GNAQ: variants seen among roughly 807,000 people sequenced by gnomAD.
GNAQ encodes the protein guanine nucleotide-binding protein G(q) subunit alpha.
GNAQ carries 8 observed loss-of-function variants against 43.9 expected under a neutral mutation model. The observed-to-expected ratio is 0.18, with a 90% confidence interval of 0.11 to 0.33. The LOEUF (loss-of-function observed/expected upper bound fraction) is 0.33. GNAQ is among the 10% of genes least tolerant of loss of function. The pLI, the probability that GNAQ is intolerant of heterozygous loss-of-function variation, is 1.00. For missense variants in GNAQ, 158 were observed against 450.8 expected, an observed-to-expected ratio of 0.35 and a Z score of 5.88; for synonymous variants, 155 against 170.7, an observed-to-expected ratio of 0.91 and a Z score of 0.71.
intron 6 of GNAQ, among the ~76,000 whole-genome samples, chr9:77,723,628 A>G (rs1825353337): frequency 6.6e-6 from 1 of 152,266 alleles, no homozygotes; most frequent in Non-Finnish European, 1.5e-5. Context: ...TAAAGCTCTG[A>G]CAGATGCTGT....
In GNAQ at chr9:77,855,782, C is replaced by T. The variant is rs529718557; in HGVS notation, c.322-40012G>A. ...AACTCTCAAAAAAAAAAGCCCTCTG[C>T]CATTTGCTATAAAAGTCATGACTGG... On this transcript the variant is annotated intron_variant, in intron 2 of 6. Coordinates refer to ENST00000286548, the MANE Select transcript of GNAQ (RefSeq NM_002072.5). Among the ~76,000 whole-genome samples, 4 of 151,992 alleles carry T rather than the reference C, an allele frequency of 2.6e-5. No homozygotes were observed. In the East Asian group the frequency reaches 7.7e-4, roughly 29 times the overall value.
intron 3 of GNAQ, among the ~76,000 whole-genome samples, chr9:77,806,417 TG>T (rs1387574008): frequency 6.6e-6 from 1 of 152,220 alleles, no homozygotes; most frequent in Non-Finnish European, 1.5e-5. Context: ...GGAGGGAGAT[TG>T]GCACAGAGAA....
chr9:77,736,637 G>GTGT (rs1352015329), intron 5 of GNAQ, among the ~76,000 whole-genome samples: 1 of 152,118 alleles, frequency 6.6e-6, no homozygotes, highest in Non-Finnish European at 1.5e-5. Flanking sequence ...TCACATGTCA[G>GTGT]GCCCTTGTAA....
intron 3 of GNAQ, among the ~76,000 whole-genome samples, chr9:77,806,158 A>G (rs939971037): frequency 5.3e-5 from 8 of 152,230 alleles, no homozygotes; most frequent in Non-Finnish European, 1.2e-4. Context: ...AAGAGAGAAA[A>G]GAAAGAAGGA....
rs746549314 is a variant in GNAQ at position 77,851,853 on chromosome 9, G to A, written c.322-36083C>T. Reference sequence around the variant, plus strand: ...TGCAATGCACAACCTAATACCAACTGAGCTGGCACCACTCCTTTGATGTAT... The same window carrying A: ...TGCAATGCACAACCTAATACCAACTAAGCTGGCACCACTCCTTTGATGTAT... On this transcript the variant is annotated intron_variant, in intron 2 of 6. Transcript: ENST00000286548. Among the ~76,000 whole-genome samples, 3 of 152,234 alleles carry A rather than the reference G, an allele frequency of 2.0e-5. No homozygotes were observed. The East Asian group carries it at 5.8e-4, about 29-fold the overall frequency.
At chr9:77,795,098 C>T (rs917419344) in intron 4 of GNAQ, among the ~76,000 whole-genome samples, 1 of 152,066 alleles carries the variant, frequency 6.6e-6, no homozygotes, top group Non-Finnish European at 1.5e-5. Flanking sequence ...AATGCAGATA[C>T]GACCCCACTC....
At chr9:77,995,264 A>T (rs542139025) in intron 1 of GNAQ, among the ~76,000 whole-genome samples, 2 of 152,290 alleles carry the variant, frequency 1.3e-5, no homozygotes, top group Admixed American at 6.5e-5. Context: ...TGGCAAACTC[A>T]CATTCAAACT....
chr9:78,022,684 T>A (rs972568708), intron 1 of GNAQ, among the ~76,000 whole-genome samples: 1 of 152,182 alleles, frequency 6.6e-6, no homozygotes, highest in African/African-American at 2.4e-5. Flanking sequence ...AAAATTAAAG[T>A]CATCTTGTAT....
intron 1 of GNAQ, among the ~76,000 whole-genome samples, chr9:77,986,059 T>C (rs970344486): frequency 6.6e-6 from 1 of 152,206 alleles, no homozygotes; most frequent in African/African-American, 2.4e-5. Flanking sequence ...CTACTGTTGC[T>C]TCTTCCTAGA....
At chr9:77,758,210 A>G (rs1268412509) in intron 5 of GNAQ, among the ~76,000 whole-genome samples, 1 of 152,194 alleles carries the variant, frequency 6.6e-6, no homozygotes, top group Non-Finnish European at 1.5e-5. Flanking sequence ...TTTTATTTTT[A>G]CCCATTTTCA....
intron 2 of GNAQ, among the ~76,000 whole-genome samples, chr9:77,896,614 A>C (rs1828507363): frequency 6.6e-6 from 1 of 152,226 alleles, no homozygotes; most frequent in Admixed American, 6.5e-5. Context: ...CCAGTTACCT[A>C]AAAATTATAT....
chr9:77,792,736 G>C (rs1453969588), intron 5 of GNAQ, among the ~76,000 whole-genome samples: 2 of 152,002 alleles, frequency 1.3e-5, no homozygotes, highest in Non-Finnish European at 1.5e-5. Flanking sequence ...ATAAACACTT[G>C]TCCTCCTCTA....
chr9:77,889,965 T>C (rs1040329015), intron 2 of GNAQ, among the ~76,000 whole-genome samples: 1 of 152,210 alleles, frequency 6.6e-6, no homozygotes, highest in Non-Finnish European at 1.5e-5. Context: ...AAACATTCTA[T>C]AATATGCATA....
intron 5 of GNAQ, among the ~76,000 whole-genome samples, chr9:77,769,955 C>T (rs1164766872): frequency 2.0e-5 from 3 of 152,018 alleles, no homozygotes; most frequent in Admixed American, 6.6e-5. Flanking sequence ...CGTGAGCCAC[C>T]GCGCCTGGCC....
intron 1 of GNAQ, among the ~76,000 whole-genome samples, chr9:78,019,168 C>G (rs1435288287): frequency 6.6e-6 from 1 of 152,186 alleles, no homozygotes; most frequent in Non-Finnish European, 1.5e-5. Flanking sequence ...TAAGGAAACA[C>G]AAACTGTTTC....
intron 3 of GNAQ, among the ~76,000 whole-genome samples, chr9:77,813,720 T>A (rs185685524): frequency 6.6e-6 from 1 of 152,126 alleles, no homozygotes; most frequent in African/African-American, 2.4e-5. Flanking sequence ...AATTACTAGA[T>A]AATGGGGGCC....
In GNAQ at chr9:77,718,726, A is replaced by ATTTTTTTTTTTTTTTTTTT. The variant is rs754786107; in HGVS notation, c.*2578_*2596dup. ...GTAGGCCTTCAAATGTTGTTGTTTA[A>ATTTTTTTTTTTTTTTTTTT]TTTTTTTTTTTTTTTTTTTTTTTTT... On this transcript the variant is annotated 3_prime_UTR_variant, in exon 7 of 7. Transcript: ENST00000286548. 2.9e-4 allele frequency: 33 copies of ATTTTTTTTTTTTTTTTTTT among 114,376 alleles called. 1 individual carries two copies. The highest frequency in any genetic ancestry group is 3.7e-4 in the Non-Finnish European group (24 of 64,354). 7.1% of individuals were successfully genotyped at this position (114,376 alleles called of 1,614,324 possible). A position where few individuals can be genotyped will look rare whatever the true frequency, so the allele number is the denominator to read the frequency against.
At chr9:78,013,938 A>T (rs766421193) in intron 1 of GNAQ, among the ~76,000 whole-genome samples, 3 of 152,172 alleles carry the variant, frequency 2.0e-5, no homozygotes, top group Non-Finnish European at 4.4e-5. Context: ...TTTGCTGATG[A>T]TCCTTGGTAT....
At chr9:78,009,277 A>T (rs1823745176) in intron 1 of GNAQ, among the ~76,000 whole-genome samples, 1 of 152,184 alleles carries the variant, frequency 6.6e-6, no homozygotes, top group Non-Finnish European at 1.5e-5. Context: ...TTCACCAACA[A>T]TGTGCACTGC....
Sources: gnomAD v4.1 joint callset for allele counts (sites outside exome capture counted in the v4.1 genomes callset) on GRCh38, gnomAD v4.1.1 for gene constraint, MANE v1.5 for transcripts, NCBI Gene and HGNC (gene_info 2026-07-23, HGNC 2026-07-21) for gene names.